The following MCTP1 variants were observed in gnomAD, a reference collection of about 807,000 sequenced individuals.
MCTP1 encodes the protein multiple C2 and transmembrane domain-containing protein 1.
In MCTP1, 69 loss-of-function variants were observed where a neutral mutation model predicts 120.6. The ratio of observed to expected loss-of-function variants is 0.57; its 90% confidence interval spans 0.47 to 0.70. The LOEUF is 0.70. Among genes scored for constraint, MCTP1 ranks in the 30% least tolerant of loss-of-function variants. The pLI is 0.00. For missense variants in MCTP1, 1,203 were observed against 1,248.8 expected (o/e 0.96, Z 0.55); for synonymous variants, 529 against 493.1 (o/e 1.07, Z -0.96).
chr5:95,209,701 G>A (rs1006238765), intron 1 of MCTP1, among the ~76,000 whole-genome samples: 2 of 152,108 alleles, frequency 1.3e-5, no homozygotes, highest in African/African-American at 4.8e-5. Flanking sequence ...TCACATACCT[G>A]TCCCTGGAAT....
intron 20 of MCTP1, among the ~76,000 whole-genome samples, chr5:94,714,343 A>G (rs990103513): frequency 4.6e-5 from 7 of 152,182 alleles, no homozygotes; most frequent in Non-Finnish European, 8.8e-5. Context: ...CATAAATATG[A>G]TTAATTTTTT....
intron 1 of MCTP1, among the ~76,000 whole-genome samples, chr5:95,147,172 C>T (rs1042506644): frequency 5.9e-5 from 9 of 152,036 alleles, no homozygotes; most frequent in African/African-American, 7.2e-5. Flanking sequence ...GTGCCAGCTC[C>T]GCCTCCTGGG....
chr5:94,792,697 C>T (rs1319762442), intron 18 of MCTP1: 2 of 153,602 alleles, frequency 1.3e-5, no homozygotes, highest in Non-Finnish European at 2.9e-5. Context: ...ACAACAACAA[C>T]AACAACATAC....
chr5:94,737,800 C>A (rs1764607891), intron 19 of MCTP1, among the ~76,000 whole-genome samples: 1 of 152,134 alleles, frequency 6.6e-6, no homozygotes, highest in Non-Finnish European at 1.5e-5. Context: ...TTCAAGCCTC[C>A]CAAATAGCTG....
intron 2 of MCTP1, among the ~76,000 whole-genome samples, chr5:94,966,593 A>T (rs1315742530): frequency 1.3e-5 from 2 of 152,184 alleles, no homozygotes; most frequent in Admixed American, 1.3e-4. Flanking sequence ...CAGGAGATCA[A>T]GACCATCCTG....
rs551458935 is a variant in MCTP1 at position 94,897,330 on chromosome 5, T to C, written c.1653-2495A>G. Among the ~76,000 whole-genome samples, 3 of 151,130 alleles carry C rather than the reference T, an allele frequency of 2.0e-5. No individual in the cohort carries two copies. The East Asian group carries it at 5.9e-4, about 30-fold the overall frequency. The stretch of plus-strand genomic sequence containing the variant: ...CTCAAGCAATCCACCTGGCTCGGCA[T>C]TCTAAAGTGCTGAACAAGCCACCAC... On this transcript the variant is annotated intron_variant, in intron 10 of 22. Coordinates refer to ENST00000515393, the MANE Select transcript of MCTP1 (RefSeq NM_024717.7).
At chr5:95,278,070 A>G (rs1759994831) in intron 1 of MCTP1, among the ~76,000 whole-genome samples, 3 of 151,922 alleles carry the variant, frequency 2.0e-5, no homozygotes, top group Non-Finnish European at 2.9e-5. Context: ...GGGACATTGC[A>G]GCCTGATATT....
chr5:94,884,688 G>A (rs1257453805), intron 12 of MCTP1, among the ~76,000 whole-genome samples: 1 of 152,118 alleles, frequency 6.6e-6, no homozygotes, highest in Non-Finnish European at 1.5e-5. Context: ...AAAGCCCACA[G>A]ACAGCAAAAC....
At chr5:94,931,466 C>T (rs1262810609) in intron 6 of MCTP1, 1 of 152,454 alleles carries the variant, frequency 6.6e-6, no homozygotes, top group Non-Finnish European at 1.5e-5. Flanking sequence ...ATAAACTCCT[C>T]TCACTTTATT....
rs534896149 is a variant in MCTP1, at chr5:95,123,896, G to A, written c.721-106412C>T. Among the ~76,000 whole-genome samples the A allele has an allele frequency of 2.6e-5, 4 of 152,030 alleles. 1 individual carries two copies. The highest frequency in any genetic ancestry group is 4.1e-4 in the South Asian group (2 of 4,824). ...GATCTCCTGACCTCATGATCCGCCC[G>A]CCTCGGCCTCTCAAAGTGCTAGGAT... On this transcript the variant is annotated intron_variant, in intron 1 of 22. Transcript: ENST00000515393.
At chr5:94,806,456 AGGAGGT>A (rs1172800882) in intron 17 of MCTP1, among the ~76,000 whole-genome samples, 1 of 152,148 alleles carries the variant, frequency 6.6e-6, no homozygotes, top group African/African-American at 2.4e-5. Flanking sequence ...ACCATTTCTT[AGGAGGT>A]GCAAGACATG....
chr5:94,925,851 A>C (rs554209268), intron 6 of MCTP1, among the ~76,000 whole-genome samples: 14 of 152,356 alleles, frequency 9.2e-5, no homozygotes, highest in African/African-American at 3.1e-4. Flanking sequence ...CAAGATTTCT[A>C]ATTTATAAGA....
At chr5:94,746,847 C>T (rs17084007) in intron 19 of MCTP1, among the ~76,000 whole-genome samples, 5 of 152,188 alleles carry the variant, frequency 3.3e-5, no homozygotes, top group Non-Finnish European at 7.3e-5. Context: ...ACCATTCTTA[C>T]CCTGTCACTC....
chr5:94,835,097 A>G (rs1449894458), intron 17 of MCTP1, among the ~76,000 whole-genome samples: 2 of 152,134 alleles, frequency 1.3e-5, no homozygotes, highest in African/African-American at 2.4e-5. Flanking sequence ...GATTACACGC[A>G]TGAGCCACCA....
chr5:94,889,808 A>C (rs1412596740), intron 11 of MCTP1, among the ~76,000 whole-genome samples: 1 of 151,516 alleles, frequency 6.6e-6, no homozygotes, highest in South Asian at 2.1e-4. Flanking sequence ...AATTGTTGCT[A>C]TATAAGTAGA....
Position 95,211,370 on chromosome 5 carries a change from G to A in MCTP1, c.720+72486C>T, listed in dbSNP as rs138823082. 3.4e-3 allele frequency among the ~76,000 whole-genome samples: 524 copies of A among 152,108 alleles called. 3 individuals are homozygous for A. Among genetic ancestry groups the A allele is most frequent in the African/African-American group, 0.012 (486 of 41,520 alleles). ...CCCATAATTCTTGGAGGCTTTGTTCGTTTCTTTTTACTCTTTTTTCTCTAA... is the reference window on the plus strand; with the variant it reads ...CCCATAATTCTTGGAGGCTTTGTTCATTTCTTTTTACTCTTTTTTCTCTAA... On this transcript the variant is annotated intron_variant, in intron 1 of 22. Transcript: ENST00000515393.
At chr5:94,989,293 G>T (rs1046617261) in intron 2 of MCTP1, among the ~76,000 whole-genome samples, 10 of 152,062 alleles carry the variant, frequency 6.6e-5, no homozygotes, top group African/African-American at 2.4e-4. Context: ...GACAAAGAAG[G>T]TCCCTTTTGT....
chr5:94,755,443 T>A (rs1202293760), intron 19 of MCTP1, among the ~76,000 whole-genome samples: 1 of 152,128 alleles, frequency 6.6e-6, no homozygotes, highest in Non-Finnish European at 1.5e-5. Context: ...TCAAACCAGC[T>A]CTCAAACCAG....
intron 19 of MCTP1, among the ~76,000 whole-genome samples, chr5:94,752,519 T>C (rs1768739570): frequency 6.6e-6 from 1 of 152,046 alleles, no homozygotes; most frequent in Admixed American, 6.5e-5. Context: ...GACCACCCAG[T>C]TAAAACAATT....
Sources: allele counts gnomAD v4.1 joint callset (sites outside exome capture counted in the v4.1 genomes callset), GRCh38; gene constraint gnomAD v4.1.1; transcripts MANE v1.5; gene names NCBI Gene and HGNC (gene_info 2026-07-23, HGNC 2026-07-21).